The following ULK4 variants were observed in gnomAD, a reference collection of about 807,000 sequenced individuals.
The protein encoded by ULK4 is inactive serine/threonine-protein kinase ULK4.
Under a neutral mutation model 160.6 loss-of-function variants are expected in ULK4, and 133 were observed. The ratio of observed to expected loss-of-function variants is 0.83; its 90% CI spans 0.72 to 0.96. The LOEUF (loss-of-function observed/expected upper bound fraction) is 0.96. Ranked by LOEUF, ULK4 falls within the 40% of genes least tolerant of loss-of-function variation. The probability of loss-of-function intolerance (pLI) is 0.00; values close to 1 mark genes in which losing one functional copy is unlikely to be tolerated. For synonymous variants in ULK4, 534 were observed against 539.8 expected (o/e 0.99, Z 0.15); for missense variants, 1,580 against 1,499.5 (o/e 1.05, Z -0.89).
At chr3:41,431,355 AAATAAT>A (rs57010705) in intron 34 of ULK4, among the ~76,000 whole-genome samples, 20,637 of 138,820 alleles carry the variant, frequency 0.15, 1,663 homozygotes, top group Non-Finnish European at 0.18. Flanking sequence ...ACACACACAC[AAATAAT>A]AATAATAATA....
At chr3:41,642,076 G>C (rs2034230391) in intron 30 of ULK4, among the ~76,000 whole-genome samples, 2 of 150,562 alleles carry the variant, frequency 1.3e-5, no homozygotes, top group Non-Finnish European at 2.9e-5. Context: ...GTTTCTTCAT[G>C]TTGGTCAGGC....
At chr3:41,912,194 G>A (rs1006850643) in intron 9 of ULK4, among the ~76,000 whole-genome samples, 3 of 151,934 alleles carry the variant, frequency 2.0e-5, no homozygotes, top group African/African-American at 7.3e-5. Flanking sequence ...TGAGTGTAGT[G>A]GCACACACCT....
intron 32 of ULK4, among the ~76,000 whole-genome samples, chr3:41,550,880 G>T (rs2087036920): frequency 6.6e-6 from 1 of 151,856 alleles, no homozygotes; most frequent in Non-Finnish European, 1.5e-5. Context: ...GACAATGTTA[G>T]GCCACAAAAC....
At chr3:41,717,967 C>A (rs760201519) in intron 22 of ULK4, 106 bp from the exon 23 acceptor site, 17 of 1,316,134 alleles carry the variant, frequency 1.3e-5, no homozygotes, top group African/African-American at 5.8e-5. Context: ...CCCTCCCAAT[C>A]ATATTGACGT....
chr3:41,357,448 C>T (rs2081051347), intron 35 of ULK4, among the ~76,000 whole-genome samples: 2 of 152,116 alleles, frequency 1.3e-5, no homozygotes, highest in African/African-American at 2.4e-5. Context: ...CACCCCACAG[C>T]CTAAGAGTGG....
intron 11 of ULK4, among the ~76,000 whole-genome samples, chr3:41,910,229 ATTACT>A (rs1347504178): frequency 2.0e-5 from 3 of 152,184 alleles, no homozygotes; most frequent in Non-Finnish European, 4.4e-5. Context: ...ATTGGTCCTA[ATTACT>A]TTAAGATACC....
chr3:41,407,200 C>T (rs1250013995), intron 34 of ULK4, among the ~76,000 whole-genome samples: 2 of 152,072 alleles, frequency 1.3e-5, no homozygotes, highest in Non-Finnish European at 2.9e-5. Flanking sequence ...GGCTAAAAAC[C>T]ATCCTACAAA....
intron 27 of ULK4, chr3:41,688,091 T>C (rs760997775): frequency 6.6e-6 from 1 of 152,274 alleles, no homozygotes; most frequent in Non-Finnish European, 1.5e-5. Context: ...ATCTCCAGAC[T>C]CTGTCAGACT....
intron 17 of ULK4, among the ~76,000 whole-genome samples, chr3:41,845,802 A>C (rs766218120): frequency 6.6e-6 from 1 of 152,186 alleles, no homozygotes; most frequent in Non-Finnish European, 1.5e-5. Context: ...TTGATCCCCA[A>C]TGTTGGATCA....
intron 34 of ULK4, among the ~76,000 whole-genome samples, chr3:41,421,944 T>C (rs922744736): frequency 1.3e-5 from 2 of 152,142 alleles, no homozygotes; most frequent in Non-Finnish European, 2.9e-5. Flanking sequence ...ATCCACTTGT[T>C]TGTTGTTTGT....
chr3:41,506,767 AATATATATATATATATATATATATATAT>A lies in ULK4; in HGVS notation c.3227-43542_3227-43515del, dbSNP rs71075470. Among the ~76,000 whole-genome samples the A allele has an allele frequency of 1.0e-3, 58 of 56,798 alleles. 8 individuals carry two copies. Among genetic ancestry groups the A allele is most frequent in the African/African-American group, 4.4e-3 (54 of 12,252 alleles). 37.3% of individuals were successfully genotyped at this position (56,798 alleles called of 152,430 possible). ...AGCAATACACTGGAGTGTGATTTAA[AATATATATATATATATATATATATATAT>A]ATATATATATATGAACATGTTTTAC... On this transcript the variant is annotated intron_variant, in intron 32 of 36. Transcript: ENST00000301831.
intron 17 of ULK4, among the ~76,000 whole-genome samples, chr3:41,852,090 C>G (rs572609406): frequency 8.5e-5 from 13 of 152,296 alleles, no homozygotes; most frequent in South Asian, 2.1e-4. Context: ...AAACTACCAT[C>G]AGAGAATACT....
At chr3:41,665,211 A>G (rs1482236521) in intron 29 of ULK4, among the ~76,000 whole-genome samples, 2 of 152,210 alleles carry the variant, frequency 1.3e-5, no homozygotes, top group African/African-American at 2.4e-5. Flanking sequence ...TTTGGAAATC[A>G]TTGTATAACA....
At chr3:41,378,474 C>T (rs1003424707) in intron 35 of ULK4, among the ~76,000 whole-genome samples, 1 of 151,894 alleles carries the variant, frequency 6.6e-6, no homozygotes, top group Admixed American at 6.6e-5. Flanking sequence ...GAGTTCATGT[C>T]CTTTGTAGGG....
In ULK4 at chr3:41,773,727, A is replaced by G. The variant is rs577058908; in HGVS notation, c.2193+15934T>C. Among the ~76,000 whole-genome samples the G allele has an allele frequency of 2.0e-5, 3 of 152,312 alleles. No individual in the cohort carries two copies. In the South Asian group the frequency reaches 6.2e-4, roughly 32 times the overall value. On this transcript the variant is annotated intron_variant, in intron 21 of 36. Coordinates refer to ENST00000301831, the MANE Select transcript of ULK4 (RefSeq NM_017886.4). Reference sequence around the variant, plus strand: ...ACAGAATTGGAAAAAACGACTTTCAAGTTCATATGGAACCAAAAAAGAGCC... The same window carrying G: ...ACAGAATTGGAAAAAACGACTTTCAGGTTCATATGGAACCAAAAAAGAGCC...
chr3:41,681,736 G>A lies in ULK4; in HGVS notation c.2833+17C>T, dbSNP rs753483851. ...ATGTGTAACTGATGCAATTCTTGCTGGTGTCATCACACTTACCATTTTGGC... is the reference window on the plus strand; with the variant it reads ...ATGTGTAACTGATGCAATTCTTGCTAGTGTCATCACACTTACCATTTTGGC... On this transcript the variant is annotated intron_variant, in intron 28 of 36. Transcript: ENST00000301831. 5.6e-5 allele frequency: 90 copies of A among 1,613,880 alleles called. No individual in the cohort carries two copies. In the Middle Eastern group the frequency reaches 1.2e-3, roughly 21 times the overall value.
chr3:41,947,674 A>G (rs193133290), intron 2 of ULK4, among the ~76,000 whole-genome samples: 1 of 152,308 alleles, frequency 6.6e-6, no homozygotes, highest in Admixed American at 6.5e-5. Context: ...AACTTCTGCA[A>G]AGGAAAAGAG....
intron 17 of ULK4, among the ~76,000 whole-genome samples, chr3:41,850,914 T>G (rs1343722271): frequency 3.3e-5 from 5 of 152,128 alleles, no homozygotes; most frequent in African/African-American, 1.2e-4. Flanking sequence ...ATTGCCTAGG[T>G]TTTCTTCTAG....
At position 41,821,438 on chromosome 3, in the gene ULK4, T is replaced by C. The variant is rs530233081; in HGVS notation, c.1765-1932A>G. Among the ~76,000 whole-genome samples, 10 of 152,302 alleles carry C rather than the reference T, an allele frequency of 6.6e-5. No homozygotes were observed. The South Asian group carries it at 1.7e-3, about 25-fold the overall frequency. ...TTCACCTACTCTCCTCCTTCACAGA[T>C]AAAGAGAATGGAAGTTCTGAGAAAG... is the stretch of plus-strand genomic sequence containing the variant. On this transcript the variant is annotated intron_variant, in intron 18 of 36. Transcript: ENST00000301831.
Sources: gnomAD v4.1 joint callset for allele counts (sites outside exome capture counted in the v4.1 genomes callset) on GRCh38, gnomAD v4.1.1 for gene constraint, MANE v1.5 for transcripts, NCBI Gene and HGNC (gene_info 2026-07-23, HGNC 2026-07-21) for gene names.